Variants in CNTNAP5 observed in about 807,000 individuals in gnomAD.
CNTNAP5 encodes the protein contactin-associated protein-like 5.
A neutral mutation model predicts 150.2 loss-of-function variants in CNTNAP5; 72 were observed. The ratio of observed to expected loss-of-function variants is 0.48; its 90% CI spans 0.40 to 0.58. The LOEUF is 0.58. Ranked by LOEUF, CNTNAP5 falls within the 20% of genes least tolerant of loss-of-function variation. CNTNAP5 has a pLI of 0.00. For synonymous variants in CNTNAP5, 672 were observed against 619.8 expected (o/e 1.08, Z -1.25); for missense variants, 1,636 against 1,626.2 (o/e 1.01, Z -0.10).
At chr2:124,135,072 G>A (rs1388602049) in intron 1 of CNTNAP5, 1 of 152,156 alleles carries the variant, frequency 6.6e-6, no homozygotes, top group African/African-American at 2.4e-5. Context: ...AAGCAGTGAG[G>A]CTCTTAATAG....
intron 3 of CNTNAP5, among the ~76,000 whole-genome samples, chr2:124,262,450 A>G (rs779976): frequency 6.6e-6 from 1 of 151,976 alleles, no homozygotes; most frequent in South Asian, 2.1e-4. Flanking sequence ...CTTTGCTAAC[A>G]TTGCTATTGC....
intron 1 of CNTNAP5, among the ~76,000 whole-genome samples, chr2:124,165,884 G>T (rs959681420): frequency 1.3e-5 from 2 of 152,122 alleles, no homozygotes; most frequent in African/African-American, 2.4e-5. Flanking sequence ...ATGGAGCGGC[G>T]CAGTGACCGG....
chr2:124,582,185 C>A (rs1696429489), intron 11 of CNTNAP5, among the ~76,000 whole-genome samples: 1 of 152,034 alleles, frequency 6.6e-6, no homozygotes, highest in Admixed American at 6.6e-5. Context: ...GATCGGAAGG[C>A]CTCGGTGGCT....
chr2:124,805,286 C>G (rs1471409534), intron 19 of CNTNAP5, among the ~76,000 whole-genome samples: 1 of 152,116 alleles, frequency 6.6e-6, no homozygotes, highest in African/African-American at 2.4e-5. Context: ...AGGGAACTTC[C>G]CTGATGTCTC....
At chr2:124,688,023 G>A (rs1489101112) in intron 13 of CNTNAP5, among the ~76,000 whole-genome samples, 6 of 151,938 alleles carry the variant, frequency 3.9e-5, no homozygotes, top group Non-Finnish European at 4.4e-5. Context: ...GAATCCTAGG[G>A]TCACACCCCC....
intron 13 of CNTNAP5, among the ~76,000 whole-genome samples, chr2:124,710,745 A>C (rs1679789612): frequency 6.6e-6 from 1 of 152,168 alleles, no homozygotes; most frequent in Non-Finnish European, 1.5e-5. Context: ...CTGTTTTCAG[A>C]GCAATCCAGG....
chr2:124,859,940 A>G (rs1677476687), intron 19 of CNTNAP5, among the ~76,000 whole-genome samples: 1 of 152,088 alleles, frequency 6.6e-6, no homozygotes, highest in African/African-American at 2.4e-5. Context: ...GGATAGCATT[A>G]GGGGATATAC....
chr2:124,318,730 G>T (rs1482689776), intron 3 of CNTNAP5, among the ~76,000 whole-genome samples: 1 of 152,070 alleles, frequency 6.6e-6, no homozygotes, highest in Non-Finnish European at 1.5e-5. Context: ...TGGCTACACA[G>T]CCTCTCTGTT....
At chr2:124,907,538 G>A (rs1238957335) in intron 22 of CNTNAP5, among the ~76,000 whole-genome samples, 10 of 147,686 alleles carry the variant, frequency 6.8e-5, no homozygotes, top group South Asian at 2.1e-4. Context: ...TATAGATATA[G>A]AATATATAAA....
intron 11 of CNTNAP5, among the ~76,000 whole-genome samples, chr2:124,571,527 C>CTTTTT (rs1214169811): frequency 0.48 from 22,269 of 46,562 alleles, 6,590 homozygotes; most frequent in East Asian, 0.58. Flanking sequence ...TTTCTTTTTT[C>CTTTTT]TTTTTTTTTT....
chr2:124,774,674 G>T (rs1363957894), intron 17 of CNTNAP5, among the ~76,000 whole-genome samples: 2 of 152,160 alleles, frequency 1.3e-5, no homozygotes, highest in South Asian at 4.1e-4. Context: ...GTGGAATCAA[G>T]TCAAGTGTTT....
chr2:124,230,930 T>A (rs1686601512), intron 2 of CNTNAP5, among the ~76,000 whole-genome samples: 1 of 152,168 alleles, frequency 6.6e-6, no homozygotes, highest in Admixed American at 6.5e-5. Context: ...GCACCTTTCC[T>A]TTCTTGTGTC....
At chr2:124,620,130 T>C (rs1230039969) in intron 12 of CNTNAP5, among the ~76,000 whole-genome samples, 1 of 151,828 alleles carries the variant, frequency 6.6e-6, no homozygotes, top group African/African-American at 2.4e-5. Context: ...TGTTGGAAAA[T>C]AAGGAACAGG....
chr2:124,487,836 A>G (rs557532199), intron 7 of CNTNAP5, among the ~76,000 whole-genome samples: 5 of 152,180 alleles, frequency 3.3e-5, no homozygotes, highest in South Asian at 2.1e-4. Context: ...TCGAATGCTT[A>G]TACTAGGATT....
chr2:124,069,707 A>G (rs1295579085), intron 1 of CNTNAP5, among the ~76,000 whole-genome samples: 1 of 152,180 alleles, frequency 6.6e-6, no homozygotes, highest in Non-Finnish European at 1.5e-5. Context: ...CTGATAATCC[A>G]GAGAATTCTT....
At position 124,648,475 on chromosome 2, in the gene CNTNAP5, C is replaced by T. The variant is rs76008398; in HGVS notation, c.2077+517C>T. Reference sequence around the variant, plus strand: ...CAAACCTGTGGGTTCATGGCATGAACGGAGCCTGAGAAATAGGGGCTTTAG... The same window carrying T: ...CAAACCTGTGGGTTCATGGCATGAATGGAGCCTGAGAAATAGGGGCTTTAG... On this transcript the variant is annotated intron_variant, in intron 13 of 23. Coordinates refer to ENST00000682447, the MANE Select transcript of CNTNAP5 (RefSeq NM_001367498.1). Among the ~76,000 whole-genome samples, 291 of 152,136 alleles carry T rather than the reference C, an allele frequency of 1.9e-3. 8 individuals are homozygous for T. In the East Asian group the frequency reaches 0.028, roughly 15 times the overall value.
intron 1 of CNTNAP5, among the ~76,000 whole-genome samples, chr2:124,089,589 G>A (rs981848036): frequency 1.3e-5 from 2 of 152,162 alleles, no homozygotes; most frequent in Non-Finnish European, 2.9e-5. Flanking sequence ...TCAAGTGTTA[G>A]AATACTTGTG....
chr2:124,285,992 T>C (rs1023246371), intron 3 of CNTNAP5, among the ~76,000 whole-genome samples: 9 of 152,212 alleles, frequency 5.9e-5, no homozygotes, highest in Non-Finnish European at 1.0e-4. Flanking sequence ...AAATATTTTG[T>C]TATTAATAAT....
chr2:124,068,338 C>T (rs1682215618), intron 1 of CNTNAP5, among the ~76,000 whole-genome samples: 1 of 152,154 alleles, frequency 6.6e-6, no homozygotes, highest in Non-Finnish European at 1.5e-5. Flanking sequence ...GCTGCCTTGT[C>T]ATAGCAAAGA....
Sources: allele counts gnomAD v4.1 joint callset (sites outside exome capture counted in the v4.1 genomes callset), GRCh38; gene constraint gnomAD v4.1.1; transcripts MANE v1.5; gene names NCBI Gene and HGNC (gene_info 2026-07-23, HGNC 2026-07-21).